The following CPNE4 variants were observed in gnomAD, a reference collection of about 807,000 sequenced individuals.
CPNE4 encodes copine-4.
Under a neutral mutation model 67.9 loss-of-function variants are expected in CPNE4, and 25 were observed. The ratio of observed to expected loss-of-function variants is 0.37; its 90% CI spans 0.27 to 0.51. The LOEUF is 0.51. Ranked by LOEUF, CPNE4 falls within the 20% of genes least tolerant of loss-of-function variation. CPNE4 has a pLI of 0.93. For synonymous variants in CPNE4, 242 were observed against 244.9 expected, an observed-to-expected ratio of 0.99 and a Z score of 0.11; for missense variants, 464 against 690.8, an observed-to-expected ratio of 0.67 and a Z score of 3.68.
intron 7 of CPNE4, among the ~76,000 whole-genome samples, chr3:131,598,859 C>CA (rs1191935373): frequency 4.1e-5 from 6 of 146,642 alleles, no homozygotes; most frequent in South Asian, 2.2e-4. Context: ...ACCCCCCCGC[C>CA]AAAAAAAAAT....
intron 7 of CPNE4, among the ~76,000 whole-genome samples, chr3:131,655,593 G>C (rs1462931792): frequency 3.9e-5 from 6 of 152,240 alleles, no homozygotes; most frequent in African/African-American, 1.4e-4. Context: ...AAAGCATGCC[G>C]TGTGGTCAAC....
intron 1 of CPNE4, among the ~76,000 whole-genome samples, chr3:131,956,984 A>G (rs2071994811): frequency 6.6e-6 from 1 of 152,194 alleles, no homozygotes; most frequent in Non-Finnish European, 1.5e-5. Context: ...ATCTTTTTAA[A>G]TTGCCATTGT....
chr3:131,663,079 A>T (rs1268378033), intron 7 of CPNE4, among the ~76,000 whole-genome samples: 1 of 152,222 alleles, frequency 6.6e-6, no homozygotes, highest in Non-Finnish European at 1.5e-5. Context: ...CATTAATGAT[A>T]GACTGGATAA....
chr3:131,913,070 A>G (rs898876429), intron 1 of CPNE4, among the ~76,000 whole-genome samples: 1 of 152,288 alleles, frequency 6.6e-6, no homozygotes, highest in African/African-American at 2.4e-5. Flanking sequence ...TTTGAATCAC[A>G]GCTCTACTAC....
chr3:131,622,716 G>C (rs1441957316), intron 7 of CPNE4, among the ~76,000 whole-genome samples: 2 of 152,178 alleles, frequency 1.3e-5, no homozygotes, highest in Non-Finnish European at 2.9e-5. Context: ...TATAATATAG[G>C]GAAGGGGGAA....
At chr3:131,826,820 C>T (rs1387179135) in intron 2 of CPNE4, among the ~76,000 whole-genome samples, 1 of 152,028 alleles carries the variant, frequency 6.6e-6, no homozygotes, top group Non-Finnish European at 1.5e-5. Flanking sequence ...TCACTTGAAG[C>T]CAAGAGTTTG....
chr3:131,630,578 ATTTAAAT>A (rs1181827204), intron 7 of CPNE4, among the ~76,000 whole-genome samples: 1 of 152,250 alleles, frequency 6.6e-6, no homozygotes, highest in African/African-American at 2.4e-5. Flanking sequence ...ATATGTGGCT[ATTTAAAT>A]TTTAAACAAT....
chr3:131,866,530 C>T (rs1162244125), intron 2 of CPNE4, among the ~76,000 whole-genome samples: 1 of 152,212 alleles, frequency 6.6e-6, no homozygotes, highest in East Asian at 1.9e-4. Context: ...TGACATCTTA[C>T]TGGTAAGAGC....
chr3:131,997,626 A>C (rs932219201), intron 1 of CPNE4, among the ~76,000 whole-genome samples: 21 of 152,186 alleles, frequency 1.4e-4, no homozygotes, highest in African/African-American at 4.8e-4. Flanking sequence ...ACTAATGTAC[A>C]GCCTCATATC....
At chr3:131,840,320 T>C (rs2085725516) in intron 2 of CPNE4, among the ~76,000 whole-genome samples, 1 of 152,202 alleles carries the variant, frequency 6.6e-6, no homozygotes, top group Non-Finnish European at 1.5e-5. Context: ...ACAGAACTAG[T>C]GAATTGGAAT....
chr3:131,811,950 T>C (rs2084545012), intron 2 of CPNE4, among the ~76,000 whole-genome samples: 1 of 152,124 alleles, frequency 6.6e-6, no homozygotes, highest in African/African-American at 2.4e-5. Context: ...AGAACACTAC[T>C]TTTCAGAGAA....
chr3:131,616,263 G>A (rs1940154429), intron 7 of CPNE4, among the ~76,000 whole-genome samples: 1 of 151,812 alleles, frequency 6.6e-6, no homozygotes, highest in Non-Finnish European at 1.5e-5. Flanking sequence ...TGATAGCTGA[G>A]TTGCCATAAT....
rs1324565580 is a variant in CPNE4 at position 131,836,696 on chromosome 3, A to T, written c.180+68568T>A. On this transcript the variant is annotated intron_variant, in intron 2 of 15. Coordinates refer to ENST00000429747, the MANE Select transcript of CPNE4 (RefSeq NM_130808.3). ...AGTTCTTAGACATGAAATCAAAAGC[A>T]TGAACCATAACAGAAAGTTGGTAAA... is the stretch of plus-strand genomic sequence containing the variant. Among the ~76,000 whole-genome samples the T allele has an allele frequency of 5.9e-5, 9 of 152,210 alleles. No homozygotes were observed. The East Asian group carries it at 1.7e-3, about 29-fold the overall frequency.
At chr3:131,842,048 T>C (rs1280262533) in intron 2 of CPNE4, among the ~76,000 whole-genome samples, 1 of 152,180 alleles carries the variant, frequency 6.6e-6, no homozygotes, top group Admixed American at 6.5e-5. Context: ...GGACTTAGGC[T>C]TGAAGTGCCT....
At chr3:131,943,008 C>T (rs889643226) in intron 1 of CPNE4, among the ~76,000 whole-genome samples, 3 of 152,142 alleles carry the variant, frequency 2.0e-5, no homozygotes, top group Non-Finnish European at 4.4e-5. Context: ...ACTATAGGCT[C>T]ACAATTCCTT....
intron 2 of CPNE4, among the ~76,000 whole-genome samples, chr3:131,858,629 A>T (rs2086549309): frequency 6.6e-6 from 1 of 152,152 alleles, no homozygotes; most frequent in Non-Finnish European, 1.5e-5. Flanking sequence ...ATGTCATCAC[A>T]CCAGTGAAAC....
At chr3:131,729,152 T>G (rs1009664685) in intron 2 of CPNE4, among the ~76,000 whole-genome samples, 29 of 152,148 alleles carry the variant, frequency 1.9e-4, no homozygotes, top group African/African-American at 6.8e-4. Flanking sequence ...ATTCAGGCCC[T>G]TATCATCCCA....
At chr3:131,704,155 T>C (rs892167902) in intron 3 of CPNE4, among the ~76,000 whole-genome samples, 1 of 152,168 alleles carries the variant, frequency 6.6e-6, no homozygotes, top group Admixed American at 6.5e-5. Context: ...TAAGGTTTCC[T>C]GGTCTCTCAC....
At chr3:131,904,609 G>C (rs576556577) in intron 2 of CPNE4, among the ~76,000 whole-genome samples, 193 of 152,136 alleles carry the variant, frequency 1.3e-3, no homozygotes, top group African/African-American at 4.5e-3. Context: ...CTACTCCTCA[G>C]TTCTGGCCAG....
Sources: gnomAD v4.1 joint callset for allele counts (sites outside exome capture counted in the v4.1 genomes callset) on GRCh38, gnomAD v4.1.1 for gene constraint, MANE v1.5 for transcripts, NCBI Gene and HGNC (gene_info 2026-07-23, HGNC 2026-07-21) for gene names.